The following ZNG1A variants were observed in gnomAD, a reference collection of about 807,000 sequenced individuals.
The protein encoded by ZNG1A is Zn regulated GTPase metalloprotein activator 1A, also known as zinc-regulated GTPase metalloprotein activator 1A.
At chr9:147,844 G>A in the ZNG1A span, 18 of 145,904 alleles carry the variant, frequency 1.2e-4, no homozygotes, top group East Asian at 2.8e-3. Context: ...CCGGGCCAAT[G>A]TGGCGAAACC....
the ZNG1A span, chr9:146,130 G>A: frequency 6.4e-7 from 1 of 1,571,992 alleles, no homozygotes. Flanking sequence ...TCAAAGGCAT[G>A]AAGATCTAAT....
the ZNG1A span, chr9:121,649 C>G: frequency 8.3e-6 from 12 of 1,443,124 alleles, no homozygotes; most frequent in Non-Finnish European, 9.6e-6. Context: ...AATTCCAGTT[C>G]ATTAAATGCT....
chr9:136,876 A>G, the ZNG1A span, among the ~76,000 whole-genome samples: 3 of 151,890 alleles, frequency 2.0e-5, no homozygotes, highest in Admixed American at 2.0e-4. Flanking sequence ...TGTCACTACA[A>G]AAAAGTAAAA....
chr9:156,327 T>G, the ZNG1A span, among the ~76,000 whole-genome samples: 295 of 151,650 alleles, frequency 1.9e-3, 1 homozygote, highest in Non-Finnish European at 3.6e-3. Flanking sequence ...CAGATCATTA[T>G]AAATAGATAG....
chr9:135,809 G>C, the ZNG1A span, among the ~76,000 whole-genome samples: 1 of 112,406 alleles, frequency 8.9e-6, no homozygotes, highest in Admixed American at 9.8e-5. Flanking sequence ...GTCTCTTTGG[G>C]GGGTCCTAGT....
the ZNG1A span, among the ~76,000 whole-genome samples, chr9:127,831 T>C: frequency 6.6e-6 from 1 of 152,276 alleles, no homozygotes; most frequent in Non-Finnish European, 1.5e-5. Flanking sequence ...TGTTTTGATA[T>C]GTTTCCAGGA....
chr9:140,674 G>A, the ZNG1A span, among the ~76,000 whole-genome samples: 40 of 150,674 alleles, frequency 2.7e-4, 1 homozygote, highest in African/African-American at 9.4e-4. Flanking sequence ...ACCAGCAACG[G>A]AACAAAGCTG....
At chr9:176,113 C>A in the ZNG1A span, among the ~76,000 whole-genome samples, 1 of 144,866 alleles carries the variant, frequency 6.9e-6, no homozygotes, top group African/African-American at 2.6e-5. Flanking sequence ...CAACTTCAGG[C>A]TGACTATATG....
At chr9:127,810 T>C in the ZNG1A span, among the ~76,000 whole-genome samples, 1 of 152,276 alleles carries the variant, frequency 6.6e-6, no homozygotes, top group East Asian at 1.9e-4. Flanking sequence ...ATTTATGCTT[T>C]AAAGAGGTTC....
chr9:145,097 T>C, the ZNG1A span, among the ~76,000 whole-genome samples: 1 of 144,862 alleles, frequency 6.9e-6, no homozygotes, highest in African/African-American at 2.6e-5. Context: ...ACACTGTTGG[T>C]GGGACTGTAA....
the ZNG1A span, chr9:166,521 A>G: frequency 6.5e-6 from 1 of 152,710 alleles, no homozygotes; most frequent in Non-Finnish European, 1.5e-5. Context: ...AAATGAAGAA[A>G]TGAATAGGGC....
At chr9:139,670 A>G in the ZNG1A span, among the ~76,000 whole-genome samples, 1 of 152,022 alleles carries the variant, frequency 6.6e-6, no homozygotes, top group African/African-American at 2.4e-5. Context: ...CAAGATGGCC[A>G]AATAGGAACA....
At chr9:177,826 G>A in the ZNG1A span, 1 of 1,194,074 alleles carries the variant, frequency 8.4e-7, no homozygotes, top group South Asian at 1.4e-5. Context: ...AATAACTGTG[G>A]GGAAACGCCA....
chr9:145,175 G>C, the ZNG1A span, among the ~76,000 whole-genome samples: 733 of 151,448 alleles, frequency 4.8e-3, 7 homozygotes, highest in South Asian at 0.024. Context: ...AATACCATTT[G>C]ACCCAGCCAT....
At chr9:130,498 C>T in the ZNG1A span, among the ~76,000 whole-genome samples, 7 of 112,920 alleles carry the variant, frequency 6.2e-5, no homozygotes, top group Non-Finnish European at 1.3e-4. Context: ...GTGGCACAAT[C>T]ATGGCTTACT....
the ZNG1A span, chr9:160,025 G>T: frequency 2.2e-6 from 1 of 454,092 alleles, no homozygotes; most frequent in Non-Finnish European, 4.4e-6. Context: ...TTCATTCATT[G>T]CTTCTATTGC....
the ZNG1A span, among the ~76,000 whole-genome samples, chr9:149,741 TTTAAC>T: frequency 6.6e-6 from 1 of 150,516 alleles, no homozygotes; most frequent in South Asian, 2.1e-4. Flanking sequence ...GTCAAATTAA[TTTAAC>T]TTATTATTGA....
At chr9:129,150 G>A in the ZNG1A span, among the ~76,000 whole-genome samples, 1 of 152,092 alleles carries the variant, frequency 6.6e-6, no homozygotes, top group African/African-American at 2.4e-5. Context: ...TTTTGTACTG[G>A]TTGGCCTGCT....
the ZNG1A span, among the ~76,000 whole-genome samples, chr9:161,268 T>C: frequency 1.7e-3 from 254 of 151,786 alleles, no homozygotes; most frequent in Non-Finnish European, 2.8e-3. Flanking sequence ...CAGGAGTTCA[T>C]GACCAGGCTG....
Sources: allele counts gnomAD v4.1 joint callset (sites outside exome capture counted in the v4.1 genomes callset), GRCh38; gene constraint gnomAD v4.1.1; transcripts MANE v1.5; gene names NCBI Gene and HGNC (gene_info 2026-07-23, HGNC 2026-07-21).